The following PTPRO variants were observed in gnomAD, a reference collection of about 807,000 sequenced individuals.
PTPRO encodes receptor-type tyrosine-protein phosphatase O.
A neutral mutation model predicts 145.2 loss-of-function variants in PTPRO; 62 were observed. The ratio of observed to expected loss-of-function variants is 0.43; its 90% CI spans 0.35 to 0.53. The LOEUF is 0.53. Ranked by LOEUF, PTPRO falls within the 20% of genes least tolerant of loss-of-function variation. The pLI is 0.01. For synonymous variants in PTPRO, 565 were observed against 514.7 expected (o/e 1.10, Z -1.32); for missense variants, 1,345 against 1,482.7 (o/e 0.91, Z 1.53).
intron 7 of PTPRO, 98 bp from the exon 8 acceptor site, chr12:15,515,400 T>A: frequency 1.3e-6 from 2 of 1,502,426 alleles, no homozygotes; most frequent in Non-Finnish European, 1.8e-6. Context: ...CAAAGTCATC[T>A]GTGATTCCAA....
intron 1 of PTPRO, among the ~76,000 whole-genome samples, chr12:15,342,078 T>C (rs1867011593): frequency 1.3e-5 from 2 of 152,254 alleles, no homozygotes; most frequent in South Asian, 2.1e-4. Context: ...TATTTGTGCA[T>C]GTGTGTAGTG....
Position 15,516,904 on chromosome 12 carries a change from A to T in PTPRO, c.1727A>T (p.Glu576Val). The change falls in exon 9 of 27, where the codon GAG becomes GTG. Residue 576 changes from glutamate to valine, a missense_variant. Physicochemically the swap from Glu to Val is moderately radical, Grantham distance 121. Coordinates refer to ENST00000281171, the MANE Select transcript of PTPRO (RefSeq NM_030667.3). ...TTCAACCCTGCTACAATGACATCAG[A>T]GTGGACCACCTACTATGAAATAGCA... ...FYFNPATMTSEWTTYYEIAAT... is the reference protein window; with the variant it reads ...FYFNPATMTSVWTTYYEIAAT... The T allele has an allele frequency of 1.2e-6, 2 of 1,614,038 alleles. No individual in the cohort carries two copies. The highest frequency in any genetic ancestry group is 1.7e-6 in the Non-Finnish European group (2 of 1,179,876).
rs1942171586 is a variant in PTPRO at position 15,499,385 on chromosome 12, G to C, written c.509-57G>C. Reference sequence around the variant, plus strand: ...AGCCATAATTGTTTCAAACTTTCCAGAAGTGTGTGATGTTTAGAAGACCAT... The same window carrying C: ...AGCCATAATTGTTTCAAACTTTCCACAAGTGTGTGATGTTTAGAAGACCAT... On this transcript the variant is annotated intron_variant, in intron 3 of 26. Coordinates refer to ENST00000281171, the MANE Select transcript of PTPRO (RefSeq NM_030667.3). The C allele has an allele frequency of 2.6e-6, 4 of 1,527,756 alleles. No individual in the cohort carries two copies. In the African/African-American group the frequency reaches 5.5e-5, roughly 21 times the overall value. The allele number at this position is 1,527,756 out of a possible 1,614,324, so 94.6% of individuals were successfully genotyped here.
intron 1 of PTPRO, among the ~76,000 whole-genome samples, chr12:15,412,657 T>C (rs768399386): frequency 6.6e-6 from 1 of 152,232 alleles, no homozygotes; most frequent in African/African-American, 2.4e-5. Context: ...CTTTACATTC[T>C]GCAGAAAGAT....
intron 25 of PTPRO, among the ~76,000 whole-genome samples, chr12:15,591,185 A>G (rs1944543637): frequency 6.6e-6 from 1 of 152,054 alleles, no homozygotes; most frequent in Non-Finnish European, 1.5e-5. Context: ...CCTGGCCAAC[A>G]TGGTGAAACC....
In PTPRO at chr12:15,474,971, A is replaced by G. The variant is rs536647917; in HGVS notation, c.76-9003A>G. On this transcript the variant is annotated intron_variant, in intron 1 of 26. Coordinates refer to ENST00000281171, the MANE Select transcript of PTPRO (RefSeq NM_030667.3). ...CGCACCAACTGAATCTGATTAGCCC[A>G]CTCTGATTTATTTTTGGCAACCTGG... 4.6e-5 allele frequency among the ~76,000 whole-genome samples: 7 copies of G among 151,904 alleles called. No individual in the cohort carries two copies. In the South Asian group the frequency reaches 1.5e-3, roughly 32 times the overall value.
At chr12:15,331,966 T>TC (rs1431181427) in intron 1 of PTPRO, among the ~76,000 whole-genome samples, 19 of 141,842 alleles carry the variant, frequency 1.3e-4, no homozygotes, top group Middle Eastern at 3.4e-3. Context: ...TTCTTTCTTT[T>TC]TTTTTTTTTT....
intron 1 of PTPRO, among the ~76,000 whole-genome samples, chr12:15,358,968 A>C (rs950725108): frequency 2.6e-5 from 4 of 152,232 alleles, no homozygotes; most frequent in African/African-American, 9.6e-5. Context: ...TTATGGAATG[A>C]GTCCAAAATG....
At chr12:15,382,748 A>T (rs1938901859) in intron 1 of PTPRO, among the ~76,000 whole-genome samples, 1 of 152,226 alleles carries the variant, frequency 6.6e-6, no homozygotes, top group Admixed American at 6.5e-5. Context: ...AATCACTTAC[A>T]AAAACCTATG....
rs1437752231 is a variant in PTPRO, at chr12:15,597,187, C to A, written c.*1114C>A. 1.3e-5 allele frequency: 2 copies of A among 152,106 alleles called. No homozygotes were observed. Among genetic ancestry groups the A allele is most frequent in the Non-Finnish European group, 2.9e-5 (2 of 68,036 alleles). 9.4% of individuals were successfully genotyped at this position (152,106 alleles called of 1,614,324 possible). ...GTCAGTTTCATTTTAACGAGTGTAACTAGTAACATTTTATTCTTTGGATTT... is the reference window on the plus strand; with the variant it reads ...GTCAGTTTCATTTTAACGAGTGTAAATAGTAACATTTTATTCTTTGGATTT... On this transcript the variant is annotated 3_prime_UTR_variant, in exon 27 of 27. Transcript: ENST00000281171.
At chr12:15,588,407 G>A (rs776506267) in intron 24 of PTPRO, among the ~76,000 whole-genome samples, 2 of 152,146 alleles carry the variant, frequency 1.3e-5, no homozygotes, top group Admixed American at 6.5e-5. Context: ...TCTTTATTGA[G>A]GATTAGAGGG....
At position 15,583,617 on chromosome 12, in the gene PTPRO, G is replaced by A. The variant is rs1007793861; in HGVS notation, c.3255+1816G>A. 5.3e-5 allele frequency among the ~76,000 whole-genome samples: 8 copies of A among 152,240 alleles called. No homozygotes were observed. In the South Asian group the frequency reaches 6.2e-4, roughly 12 times the overall value. ...TTAGAACACAGCCTGCATTGTTGAC[G>A]AATTGTCTATGACTGCTTTTGTGCT... On this transcript the variant is annotated intron_variant, in intron 23 of 26. Coordinates refer to ENST00000281171, the MANE Select transcript of PTPRO (RefSeq NM_030667.3).
rs149809140 is a variant in PTPRO, at chr12:15,502,057, C to T, written c.1099C>T (p.Arg367Ter). The T allele has an allele frequency of 3.1e-6, 5 of 1,608,488 alleles. No homozygotes were observed. Among genetic ancestry groups the T allele is most frequent in the East Asian group, 2.2e-5 (1 of 44,840 alleles). The change falls in exon 5 of 27, where the codon CGA becomes TGA. Residue 367 changes from arginine to a stop codon, truncating the protein, a stop_gained. Transcript: ENST00000281171. LOFTEE classifies it high-confidence loss of function. ...TGATGGGTTCCATATCCATATTGAA[C>T]GAGAAGGTAAAGCAGTAGGAAATCA... ...AFDGFHIHIEREENFTEYLMV... is the reference protein window; with the variant it reads ...AFDGFHIHIE
intron 1 of PTPRO, among the ~76,000 whole-genome samples, chr12:15,383,563 G>A (rs1449369370): frequency 6.6e-6 from 1 of 152,192 alleles, no homozygotes; most frequent in Non-Finnish European, 1.5e-5. Context: ...ACAGCCTCGG[G>A]ACATCTTGAG....
intron 1 of PTPRO, among the ~76,000 whole-genome samples, chr12:15,383,132 T>C (rs1055194343): frequency 1.6e-4 from 24 of 152,326 alleles, no homozygotes; most frequent in African/African-American, 5.3e-4. Context: ...ACTCCAACCA[T>C]ATCCCACAGC....
intron 20 of PTPRO, 81 bp from the exon 21 acceptor site, chr12:15,579,958 C>A: frequency 1.9e-6 from 2 of 1,076,702 alleles, no homozygotes; most frequent in South Asian, 2.5e-5. Flanking sequence ...ACTGATTTAA[C>A]TTAATATTGG....
intron 19 of PTPRO, 130 bp downstream of exon 19, chr12:15,569,628 A>G: frequency 1.3e-6 from 1 of 787,804 alleles, no homozygotes. Flanking sequence ...GGGATTGCTG[A>G]TCTGCTGGTT....
intron 20 of PTPRO, among the ~76,000 whole-genome samples, chr12:15,579,408 CAATT>C (rs1198985664): frequency 6.6e-6 from 1 of 152,174 alleles, no homozygotes; most frequent in South Asian, 2.1e-4. Context: ...ACTTACAAAA[CAATT>C]AAAATACATT....
intron 1 of PTPRO, among the ~76,000 whole-genome samples, chr12:15,366,419 T>A (rs967420856): frequency 6.6e-6 from 1 of 152,294 alleles, no homozygotes; most frequent in South Asian, 2.1e-4. Context: ...GTTTAAACTT[T>A]GACACTTTTT....
Sources: gnomAD v4.1 joint callset for allele counts (sites outside exome capture counted in the v4.1 genomes callset) on GRCh38, gnomAD v4.1.1 for gene constraint, MANE v1.5 for transcripts, NCBI Gene and HGNC (gene_info 2026-07-23, HGNC 2026-07-21) for gene names.